The following GRIK3 variants were observed in gnomAD, a reference collection of about 807,000 sequenced individuals.
The protein encoded by GRIK3 is glutamate receptor ionotropic, kainate 3.
Under a neutral mutation model 102.5 loss-of-function variants are expected in GRIK3, and 29 were observed. The observed-to-expected ratio is 0.28, with a 90% CI of 0.21 to 0.39. The LOEUF (loss-of-function observed/expected upper bound fraction) is 0.39. Ranked by LOEUF, GRIK3 falls within the 10% of genes least tolerant of loss-of-function variation. The pLI is 1.00. For missense variants in GRIK3, 908 were observed against 1,252.4 expected (o/e 0.73, Z 4.15); for synonymous variants, 511 against 504.9 (o/e 1.01, Z -0.16).
chr1:36,814,782 A>G (rs2124186981), intron 13 of GRIK3, among the ~76,000 whole-genome samples: 1 of 152,208 alleles, frequency 6.6e-6, no homozygotes, highest in East Asian at 1.9e-4. Flanking sequence ...CATACCCATG[A>G]GGATATCCAA....
intron 1 of GRIK3, among the ~76,000 whole-genome samples, chr1:37,028,338 T>C (rs1264034149): frequency 6.6e-6 from 1 of 152,042 alleles, no homozygotes; most frequent in East Asian, 1.9e-4. Flanking sequence ...TGAACTGGCC[T>C]CACCCAAGGG....
intron 1 of GRIK3, among the ~76,000 whole-genome samples, chr1:37,029,130 C>A (rs1642794034): frequency 6.6e-6 from 1 of 151,338 alleles, no homozygotes; most frequent in Non-Finnish European, 1.5e-5. Flanking sequence ...AGAATCAGCA[C>A]CTGGGAGAAG....
intron 1 of GRIK3, among the ~76,000 whole-genome samples, chr1:37,028,862 C>T (rs1642790897): frequency 6.6e-6 from 1 of 152,210 alleles, no homozygotes; most frequent in Non-Finnish European, 1.5e-5. Context: ...TGAAGGCTAC[C>T]TAAGATGAAG....
intron 4 of GRIK3, among the ~76,000 whole-genome samples, chr1:36,871,411 G>T (rs1640842496): frequency 6.6e-6 from 1 of 152,230 alleles, no homozygotes; most frequent in Non-Finnish European, 1.5e-5. Flanking sequence ...ACCCTGAGGG[G>T]TCATGTGTCA....
chr1:36,818,464 C>T (rs1462568940), intron 12 of GRIK3, among the ~76,000 whole-genome samples: 1 of 152,224 alleles, frequency 6.6e-6, no homozygotes, highest in Non-Finnish European at 1.5e-5. Context: ...TCCCAGCCTC[C>T]CCAGGTTGCT....
intron 1 of GRIK3, among the ~76,000 whole-genome samples, chr1:36,959,196 GCCTGTGTGCCCTGTGAA>G (rs1164350262): frequency 7.4e-6 from 1 of 134,464 alleles, no homozygotes; most frequent in Non-Finnish European, 1.7e-5. Flanking sequence ...TGTCCCGTGA[GCCTGTGTGCCCTGTGAA>G]CCTGTGTGCC....
chr1:36,841,785 T>TGTGCCCC lies in GRIK3; in HGVS notation c.1474_1480dup (p.Gln494ArgfsTer5). On this transcript the variant is annotated frameshift_variant, in exon 10 of 16. Transcript: ENST00000373091. LOFTEE classifies it high-confidence loss of function. ...GCCGTTCCACTGGCCCTTGTCATCCTGTGCCCCGTACTTGCCGTCCTCCAC... is the reference window on the plus strand; with the variant it reads ...GCCGTTCCACTGGCCCTTGTCATCCTGTGCCCCGTGCCCCGTACTTGCCGTCCTCCAC... 1 of 1,614,238 alleles carries TGTGCCCC rather than the reference T, an allele frequency of 6.2e-7. No homozygotes were observed. The highest frequency in any genetic ancestry group is 8.5e-7 in the Non-Finnish European group (1 of 1,180,046).
intron 1 of GRIK3, among the ~76,000 whole-genome samples, chr1:37,003,467 C>T (rs1642500038): frequency 6.6e-6 from 1 of 152,196 alleles, no homozygotes; most frequent in Non-Finnish European, 1.5e-5. Context: ...TCTTCAGCCT[C>T]CATGGTATCA....
intron 1 of GRIK3, among the ~76,000 whole-genome samples, chr1:36,925,974 A>G (rs1641522761): frequency 6.6e-6 from 1 of 152,202 alleles, no homozygotes; most frequent in Non-Finnish European, 1.5e-5. Context: ...CTGATTTCCA[A>G]GGTTGATGCT....
At chr1:37,006,892 C>CA (rs1235720857) in intron 1 of GRIK3, among the ~76,000 whole-genome samples, 2 of 152,196 alleles carry the variant, frequency 1.3e-5, no homozygotes, top group Non-Finnish European at 2.9e-5. Context: ...AGGAACTTTC[C>CA]AAAGGCCAGG....
rs570847654 is a variant in GRIK3 at position 36,905,297 on chromosome 1, G to T, written c.116-14201C>A. On this transcript the variant is annotated intron_variant, in intron 1 of 15. Coordinates refer to ENST00000373091, the MANE Select transcript of GRIK3 (RefSeq NM_000831.4). The stretch of plus-strand genomic sequence containing the variant: ...GGAAGGGATGGCTCAATATTGTAAA[G>T]ATGTCATTTCTCCTCAGATTAATTT... Among the ~76,000 whole-genome samples, 8 of 152,264 alleles carry T rather than the reference G, an allele frequency of 5.3e-5. No homozygotes were observed. The South Asian group carries it at 1.7e-3, about 32-fold the overall frequency.
intron 1 of GRIK3, among the ~76,000 whole-genome samples, chr1:36,958,207 G>A (rs1570823932): frequency 1.1e-5 from 1 of 92,396 alleles, no homozygotes; most frequent in Non-Finnish European, 2.1e-5. Flanking sequence ...TGCCCTGTGA[G>A]TCTGTGCCCC....
At chr1:36,846,255 T>G (rs779333732) in intron 9 of GRIK3, among the ~76,000 whole-genome samples, 1 of 151,908 alleles carries the variant, frequency 6.6e-6, no homozygotes, top group Non-Finnish European at 1.5e-5. Flanking sequence ...ATCTCAGGAA[T>G]GGGGAAGGCT....
intron 1 of GRIK3, among the ~76,000 whole-genome samples, chr1:36,904,079 T>C (rs1410912702): frequency 6.6e-6 from 1 of 152,192 alleles, no homozygotes; most frequent in African/African-American, 2.4e-5. Flanking sequence ...AGGGGGTATA[T>C]GGGAAATCTC....
chr1:36,949,715 C>T (rs1233056615), intron 1 of GRIK3, among the ~76,000 whole-genome samples: 1 of 151,378 alleles, frequency 6.6e-6, no homozygotes, highest in Non-Finnish European at 1.5e-5. Flanking sequence ...GCTGGGATTA[C>T]AGGTGTGTGC....
chr1:36,925,124 A>G (rs1641513951), intron 1 of GRIK3, among the ~76,000 whole-genome samples: 1 of 152,212 alleles, frequency 6.6e-6, no homozygotes, highest in Non-Finnish European at 1.5e-5. Context: ...AGCTCTTACC[A>G]TTCACTACCC....
chr1:36,846,055 C>T (rs928074652), intron 9 of GRIK3, among the ~76,000 whole-genome samples: 8 of 152,338 alleles, frequency 5.3e-5, no homozygotes, highest in East Asian at 1.9e-4. Flanking sequence ...GGCAGCCAAA[C>T]GAGTCTTGAA....
intron 1 of GRIK3, 80 bp downstream of exon 1, chr1:37,033,914 C>A: frequency 1.3e-6 from 1 of 747,520 alleles, no homozygotes; most frequent in Non-Finnish European, 2.2e-6. Context: ...AGGAAAATCT[C>A]TCCGGAACGC....
chr1:36,816,959 C>G (rs1011715754), intron 13 of GRIK3, 101 bp downstream of exon 13: 3 of 776,662 alleles, frequency 3.9e-6, no homozygotes, highest in African/African-American at 3.4e-5. Flanking sequence ...ATTGGCCATG[C>G]GTGGTTAGGG....
Sources: allele counts gnomAD v4.1 joint callset (sites outside exome capture counted in the v4.1 genomes callset), GRCh38; gene constraint gnomAD v4.1.1; transcripts MANE v1.5; gene names NCBI Gene and HGNC (gene_info 2026-07-23, HGNC 2026-07-21).